AHI1: variants seen among roughly 807,000 people sequenced by gnomAD.
The protein encoded by AHI1 is jouberin.
AHI1 carries 123 observed loss-of-function variants against 149.3 expected under a neutral mutation model. That is an observed-to-expected ratio of 0.82 (90% confidence interval 0.71 to 0.96). The LOEUF (loss-of-function observed/expected upper bound fraction) is 0.96, where lower values mean the gene tolerates loss of function less well. Ranked by LOEUF, AHI1 falls within the 40% of genes least tolerant of loss-of-function variation. The pLI is 0.00. For missense variants in AHI1, 1,439 were observed against 1,422.7 expected (o/e 1.01, Z -0.18); for synonymous variants, 475 against 459.8 (o/e 1.03, Z -0.42).
intron 16 of AHI1, among the ~76,000 whole-genome samples, chr6:135,431,847 C>T (rs1159430818): frequency 6.6e-6 from 1 of 152,144 alleles, no homozygotes; most frequent in Non-Finnish European, 1.5e-5. Flanking sequence ...GATGGCTGTT[C>T]AGCAACTGTG....
intron 20 of AHI1, among the ~76,000 whole-genome samples, chr6:135,413,262 G>T (rs1781867627): frequency 6.6e-6 from 1 of 152,112 alleles, no homozygotes; most frequent in African/African-American, 2.4e-5. Context: ...TGAGACTGGA[G>T]GTCGAGGCTG....
chr6:135,318,731 G>A (rs908780616), intron 25 of AHI1, 115 bp from the exon 26 acceptor site: 3 of 611,786 alleles, frequency 4.9e-6, no homozygotes, highest in African/African-American at 3.7e-5. Context: ...TCAATTCCTT[G>A]GTGTACCAAT....
At chr6:135,476,460 G>C (rs548478178) in intron 5 of AHI1, among the ~76,000 whole-genome samples, 5 of 151,682 alleles carry the variant, frequency 3.3e-5, no homozygotes, top group Admixed American at 1.3e-4. Context: ...TGAGTATTCT[G>C]TGTTTGTTGG....
intron 23 of AHI1, among the ~76,000 whole-genome samples, chr6:135,371,508 G>C (rs1030484958): frequency 6.6e-6 from 1 of 151,976 alleles, no homozygotes; most frequent in Non-Finnish European, 1.5e-5. Flanking sequence ...ATCTTTTCCC[G>C]GGACTTGATA....
At chr6:135,408,019 A>G (rs1199563750) in intron 21 of AHI1, among the ~76,000 whole-genome samples, 1 of 151,600 alleles carries the variant, frequency 6.6e-6, no homozygotes, top group Admixed American at 6.6e-5. Flanking sequence ...TGGGCGACAG[A>G]GTGAGATTCC....
intron 16 of AHI1, among the ~76,000 whole-genome samples, chr6:135,431,675 C>T (rs2757640): frequency 0.83 from 125,926 of 152,074 alleles, 54,364 homozygotes; most frequent in East Asian, 0.97. Flanking sequence ...TTTATTAACC[C>T]ATAAATCTGT....
intron 20 of AHI1, among the ~76,000 whole-genome samples, chr6:135,411,778 A>G (rs974526333): frequency 6.6e-6 from 1 of 152,198 alleles, no homozygotes; most frequent in African/African-American, 2.4e-5. Flanking sequence ...GGCCATGTAA[A>G]CTGGGATGGG....
chr6:135,361,211 C>G (rs914639203), intron 23 of AHI1, among the ~76,000 whole-genome samples: 3 of 152,176 alleles, frequency 2.0e-5, no homozygotes, highest in Non-Finnish European at 2.9e-5. Flanking sequence ...CAACTTAAAA[C>G]AGTGTTAACC....
intron 16 of AHI1, among the ~76,000 whole-genome samples, chr6:135,432,296 A>T: frequency 6.6e-6 from 1 of 152,120 alleles, no homozygotes. Flanking sequence ...GATACAATAA[A>T]TTTCTTCATT....
intron 5 of AHI1, chr6:135,489,972 G>A: frequency 2.3e-6 from 1 of 441,982 alleles, no homozygotes; most frequent in Non-Finnish European, 4.0e-6. Flanking sequence ...AGAGATAATG[G>A]TCAAAGTAGT....
At chr6:135,387,769 C>CA in intron 23 of AHI1, 1 of 1,208,588 alleles carries the variant, frequency 8.3e-7, no homozygotes, top group Non-Finnish European at 1.0e-6. Flanking sequence ...AAAAAAAAAT[C>CA]AAAAAAGCCT....
chr6:135,474,481 T>G (rs1792266521), intron 5 of AHI1: 1 of 152,164 alleles, frequency 6.6e-6, no homozygotes, highest in South Asian at 2.1e-4. Context: ...GTTGAGGAAG[T>G]TACTGTCTAT....
intron 23 of AHI1, among the ~76,000 whole-genome samples, chr6:135,382,827 C>G (rs1009809939): frequency 1.1e-4 from 16 of 140,202 alleles, no homozygotes; most frequent in African/African-American, 4.2e-4. Context: ...TCATTTTTCC[C>G]CCAGAGGAGG....
rs1781506515 is a variant in AHI1, at chr6:135,284,616, A to C, written c.*1029T>G. 6.6e-6 allele frequency: 1 copy of C among 152,082 alleles called. No individual in the cohort carries two copies. The highest frequency in any genetic ancestry group is 1.5e-5 in the Non-Finnish European group (1 of 68,018). The allele number at this position is 152,082 out of a possible 1,614,324, so 9.4% of individuals were successfully genotyped here. A position where few individuals can be genotyped will look rare whatever the true frequency, so the allele number is the denominator to read the frequency against. On this transcript the variant is annotated 3_prime_UTR_variant, in exon 29 of 29. Coordinates refer to ENST00000265602, the MANE Select transcript of AHI1 (RefSeq NM_001134831.2). Reference sequence around the variant, plus strand: ...AAATAATGCAATATAATAATGTAAAAATATTAAGATTAAAATAAATATTAA... The same window carrying C: ...AAATAATGCAATATAATAATGTAAACATATTAAGATTAAAATAAATATTAA...
At chr6:135,330,124 C>A (rs1788324803) in intron 24 of AHI1, among the ~76,000 whole-genome samples, 1 of 152,192 alleles carries the variant, frequency 6.6e-6, no homozygotes, top group African/African-American at 2.4e-5. Flanking sequence ...TAGAATATCA[C>A]ATAAATTTAG....
At chr6:135,378,217 T>C (rs1776225938) in intron 23 of AHI1, among the ~76,000 whole-genome samples, 2 of 152,212 alleles carry the variant, frequency 1.3e-5, no homozygotes, top group African/African-American at 4.8e-5. Context: ...GGGAAGACCT[T>C]CTTGGGCTAT....
At chr6:135,448,507 T>C in intron 11 of AHI1, 32 bp from the exon 12 acceptor site, 1 of 1,390,160 alleles carries the variant, frequency 7.2e-7, no homozygotes, top group Non-Finnish European at 9.6e-7. Flanking sequence ...AAATGTTACC[T>C]TCATTGAAAA....
rs1456894264 is a variant in AHI1, at chr6:135,284,733, C to G, written c.*912G>C. 3 of 151,872 alleles carry G rather than the reference C, an allele frequency of 2.0e-5. No individual in the cohort carries two copies. The highest frequency in any genetic ancestry group is 2.0e-4 in the Admixed American group (3 of 15,260). 9.4% of individuals were successfully genotyped at this position (151,872 alleles called of 1,614,324 possible). On this transcript the variant is annotated 3_prime_UTR_variant, in exon 29 of 29. Coordinates refer to ENST00000265602, the MANE Select transcript of AHI1 (RefSeq NM_001134831.2). ...TTGGGAACATTGTTGCCAGTCCAGC[C>G]AAAAATCACTTTTAATTTAGGTCTA...
At chr6:135,368,307 T>G (rs1774489003) in intron 23 of AHI1, among the ~76,000 whole-genome samples, 1 of 152,092 alleles carries the variant, frequency 6.6e-6, no homozygotes, top group African/African-American at 2.4e-5. Context: ...GTGCTGGTTT[T>G]GTGTTGGTTG....
Sources: allele counts gnomAD v4.1 joint callset (sites outside exome capture counted in the v4.1 genomes callset), GRCh38; gene constraint gnomAD v4.1.1; transcripts MANE v1.5; gene names NCBI Gene and HGNC (gene_info 2026-07-23, HGNC 2026-07-21).